The following TLN2 variants were observed in gnomAD, a reference collection of about 807,000 sequenced individuals.
The protein encoded by TLN2 is talin-2.
A neutral mutation model predicts 294.7 loss-of-function variants in TLN2; 118 were observed. The observed-to-expected ratio is 0.40, with a 90% CI of 0.34 to 0.47. The LOEUF is 0.47. TLN2 is among the 20% of genes least tolerant of loss of function. The pLI is 0.84. For synonymous variants in TLN2, 1,431 were observed against 1,304.5 expected, an observed-to-expected ratio of 1.10 and a Z score of -2.09; for missense variants, 3,083 against 3,282.2, an observed-to-expected ratio of 0.94 and a Z score of 1.48.
chr15:62,819,684 CTGAGCAGAGGA>C, intron 53 of TLN2, 63 bp downstream of exon 53: 1 of 1,452,502 alleles, frequency 6.9e-7, no homozygotes, highest in Non-Finnish European at 9.5e-7. Flanking sequence ...ATACAGCAGA[CTGAGCAGAGGA>C]AAAGCACAGA....
At chr15:62,661,021 T>C (rs2053760035) in intron 9 of TLN2, among the ~76,000 whole-genome samples, 1 of 152,160 alleles carries the variant, frequency 6.6e-6, no homozygotes, top group Non-Finnish European at 1.5e-5. Context: ...AGACGCAATG[T>C]TGATTAAAGA....
At chr15:62,792,988 T>A (rs1426335443) in intron 46 of TLN2, among the ~76,000 whole-genome samples, 1 of 152,142 alleles carries the variant, frequency 6.6e-6, no homozygotes, top group Admixed American at 6.5e-5. Context: ...CCCAGAGAAT[T>A]TGAGGGCTTA....
At chr15:62,604,505 A>G (rs4573888) in intron 2 of TLN2, among the ~76,000 whole-genome samples, 32,484 of 142,854 alleles carry the variant, frequency 0.23, 4,027 homozygotes, top group East Asian at 0.41. Flanking sequence ...AGCCTGGGTG[A>G]CAAAGTGAGA....
At chr15:62,789,426 A>G (rs1202538140) in intron 45 of TLN2, among the ~76,000 whole-genome samples, 1 of 152,152 alleles carries the variant, frequency 6.6e-6, no homozygotes, top group Non-Finnish European at 1.5e-5. Flanking sequence ...TGCACCATTG[A>G]TCATATACAG....
At chr15:62,596,116 T>C (rs1027151916) in intron 2 of TLN2, among the ~76,000 whole-genome samples, 1 of 151,622 alleles carries the variant, frequency 6.6e-6, no homozygotes, top group African/African-American at 2.4e-5. Context: ...ATACAAAAAA[T>C]TAGCCGGGCG....
At chr15:62,452,507 A>G (rs2036217934) in intron 1 of TLN2, among the ~76,000 whole-genome samples, 1 of 152,204 alleles carries the variant, frequency 6.6e-6, no homozygotes, top group African/African-American at 2.4e-5. Flanking sequence ...GTTGAGTGGC[A>G]TGAAGTACAT....
rs2066566633 is a variant in TLN2, at chr15:62,809,957, G to C, written c.6696G>C (p.Glu2232Asp). ...QASFHPDVSD[E>D]VRTRALRFGT... ...CCTTCCACCCCGATGTCAGTGACGAGGTGAGAACCAGAGCCTTGCGTTTCG... is the reference window on the plus strand; with the variant it reads ...CCTTCCACCCCGATGTCAGTGACGACGTGAGAACCAGAGCCTTGCGTTTCG... The change falls in exon 52 of 59, where the codon GAG becomes GAC. Residue 2232 changes from glutamate to aspartate, a missense_variant. Glu to Asp is a conservative substitution (Grantham distance 45, BLOSUM62 2). Coordinates refer to ENST00000636159, the MANE Select transcript of TLN2 (RefSeq NM_015059.3). The C allele has an allele frequency of 6.2e-7, 1 of 1,614,024 alleles. No homozygotes were observed. The highest frequency in any genetic ancestry group is 1.3e-5 in the African/African-American group (1 of 74,896).
intron 32 of TLN2, among the ~76,000 whole-genome samples, chr15:62,744,074 C>A (rs1479851096): frequency 6.6e-6 from 1 of 152,186 alleles, no homozygotes; most frequent in African/African-American, 2.4e-5. Flanking sequence ...TGGGTCTTAC[C>A]TAGAATGTTT....
At chr15:62,820,733 G>A in intron 54 of TLN2, 123 bp downstream of exon 54, 1 of 1,307,858 alleles carries the variant, frequency 7.6e-7, no homozygotes. Flanking sequence ...CTAGCAAGCA[G>A]AAAACCGGAT....
intron 9 of TLN2, among the ~76,000 whole-genome samples, chr15:62,668,341 A>C (rs762857667): frequency 6.6e-6 from 1 of 152,208 alleles, no homozygotes; most frequent in Non-Finnish European, 1.5e-5. Context: ...CTTTGAATAT[A>C]TACAATAAAA....
chr15:62,746,412 A>G (rs2061613114), intron 32 of TLN2, among the ~76,000 whole-genome samples: 1 of 152,174 alleles, frequency 6.6e-6, no homozygotes, highest in Non-Finnish European at 1.5e-5. Flanking sequence ...TTTGCTTTGC[A>G]CCATAGAGAG....
intron 3 of TLN2, among the ~76,000 whole-genome samples, chr15:62,627,019 A>G (rs888389403): frequency 1.3e-5 from 2 of 152,210 alleles, no homozygotes; most frequent in Non-Finnish European, 2.9e-5. Context: ...AGGATTGTGG[A>G]TATATTGCTG....
chr15:62,550,790 G>A (rs913392948), intron 1 of TLN2, among the ~76,000 whole-genome samples: 12 of 152,118 alleles, frequency 7.9e-5, no homozygotes, highest in Non-Finnish European at 5.9e-5. Flanking sequence ...CTCATGGATG[G>A]TGTACTGTAG....
At chr15:62,557,308 A>G (rs1421352130) in intron 1 of TLN2, among the ~76,000 whole-genome samples, 1 of 152,152 alleles carries the variant, frequency 6.6e-6, no homozygotes, top group East Asian at 1.9e-4. Context: ...AATTGAGAAA[A>G]TCTTCACTAA....
Position 62,690,076 on chromosome 15 carries a change from G to T in TLN2, c.1114-2764G>T, listed in dbSNP as rs762890698. On this transcript the variant is annotated intron_variant, in intron 12 of 58. Coordinates refer to ENST00000636159, the MANE Select transcript of TLN2 (RefSeq NM_015059.3). ...GAGGCGCCCCTCACCTCCCGGACGG[G>T]GCGGCCGGCCGGGCGGGGGGCTGAC... 4.7e-5 allele frequency among the ~76,000 whole-genome samples: 5 copies of T among 106,646 alleles called. 1 individual carries two copies. The highest frequency in any genetic ancestry group is 8.6e-5 in the African/African-American group (2 of 23,256). The allele number at this position is 106,646 out of a possible 152,430, so 70.0% of individuals were successfully genotyped here.
At chr15:62,749,949 T>C (rs1477480402) in intron 33 of TLN2, among the ~76,000 whole-genome samples, 1 of 152,242 alleles carries the variant, frequency 6.6e-6, no homozygotes, top group Admixed American at 6.5e-5. Flanking sequence ...CTTTCATGCC[T>C]TCCTATTAAA....
rs528313028 is a variant in TLN2, at chr15:62,791,154, C to G, written c.5737-1487C>G. Among the ~76,000 whole-genome samples, 412 of 151,298 alleles carry G rather than the reference C, an allele frequency of 2.7e-3. 1 individual carries two copies. The highest frequency in any genetic ancestry group is 3.7e-3 in the Non-Finnish European group (250 of 67,906). On this transcript the variant is annotated intron_variant, in intron 45 of 58. Transcript: ENST00000636159. ...CTGAGGTCAGGAGTTCGAGACCAGC[C>G]TGGCCAACATGGTGAAACCCCGTCT...
At chr15:62,726,424 C>T (rs1220903707) in intron 27 of TLN2, among the ~76,000 whole-genome samples, 1 of 152,064 alleles carries the variant, frequency 6.6e-6, no homozygotes, top group East Asian at 1.9e-4. Context: ...AATAATTATC[C>T]ATACCCTAGG....
intron 1 of TLN2, among the ~76,000 whole-genome samples, chr15:62,405,177 A>C (rs1045351187): frequency 6.6e-6 from 1 of 152,152 alleles, no homozygotes; most frequent in Non-Finnish European, 1.5e-5. Context: ...TCTGTAATTC[A>C]GGGTTGCGGT....
Sources: gnomAD v4.1 joint callset for allele counts (sites outside exome capture counted in the v4.1 genomes callset) on GRCh38, gnomAD v4.1.1 for gene constraint, MANE v1.5 for transcripts, NCBI Gene and HGNC (gene_info 2026-07-23, HGNC 2026-07-21) for gene names.